The following MEGF11 variants were observed in gnomAD, a reference collection of about 807,000 sequenced individuals.
The protein encoded by MEGF11 is multiple EGF like domains 11, also known as multiple epidermal growth factor-like domains protein 11.
A neutral mutation model predicts 146.6 loss-of-function variants in MEGF11; 126 were observed. The ratio of observed to expected loss-of-function variants is 0.86; its 90% CI spans 0.74 to 1.00. The LOEUF (loss-of-function observed/expected upper bound fraction) is 1.00. MEGF11 is among the 50% of genes least tolerant of loss of function. The pLI, the probability that MEGF11 is intolerant of heterozygous loss-of-function variation, is 0.00. For synonymous variants in MEGF11, 532 were observed against 583.4 expected (o/e 0.91, Z 1.27); for missense variants, 1,509 against 1,521.2 (o/e 0.99, Z 0.13).
At chr15:66,062,062 C>T (rs567939164) in intron 5 of MEGF11, among the ~76,000 whole-genome samples, 4 of 152,368 alleles carry the variant, frequency 2.6e-5, no homozygotes, top group South Asian at 2.1e-4. Flanking sequence ...AGCTGGCTTG[C>T]AGCCTCTTTT....
chr15:66,131,292 G>A (rs1351014956), intron 1 of MEGF11, among the ~76,000 whole-genome samples: 1 of 152,250 alleles, frequency 6.6e-6, no homozygotes, highest in Non-Finnish European at 1.5e-5. Flanking sequence ...GGCCCAAACT[G>A]AGCACTCTTG....
intron 5 of MEGF11, among the ~76,000 whole-genome samples, chr15:66,040,933 C>T (rs971084002): frequency 1.3e-4 from 20 of 151,148 alleles, no homozygotes; most frequent in Non-Finnish European, 2.4e-4. Flanking sequence ...TTTTCCCCCC[C>T]GGTTTTCACA....
At chr15:66,011,935 A>G (rs568515345) in intron 5 of MEGF11, among the ~76,000 whole-genome samples, 2 of 152,278 alleles carry the variant, frequency 1.3e-5, no homozygotes, top group South Asian at 4.2e-4. Flanking sequence ...TGATGTATGC[A>G]TGTGCATAAA....
At chr15:66,026,573 T>C (rs1481473893) in intron 5 of MEGF11, among the ~76,000 whole-genome samples, 4 of 152,162 alleles carry the variant, frequency 2.6e-5, no homozygotes, top group Non-Finnish European at 5.9e-5. Flanking sequence ...AACCTCGGCC[T>C]CCCTGCTTCA....
At chr15:66,009,447 C>T (rs997363943) in intron 5 of MEGF11, among the ~76,000 whole-genome samples, 1 of 151,980 alleles carries the variant, frequency 6.6e-6, no homozygotes, top group African/African-American at 2.4e-5. Context: ...ACATCTATGA[C>T]TCAAGACTTT....
At chr15:66,246,997 A>G (rs902709453) in intron 1 of MEGF11, among the ~76,000 whole-genome samples, 4 of 152,126 alleles carry the variant, frequency 2.6e-5, no homozygotes, top group African/African-American at 9.7e-5. Context: ...AGCCACTGTG[A>G]TTGTAGAGAT....
At chr15:66,048,021 C>T (rs1375381036) in intron 5 of MEGF11, among the ~76,000 whole-genome samples, 2 of 151,702 alleles carry the variant, frequency 1.3e-5, no homozygotes, top group Admixed American at 1.3e-4. Flanking sequence ...TCTCAGCTCA[C>T]TGCAACCTCT....
chr15:66,071,277 G>T (rs2085354260), intron 5 of MEGF11, among the ~76,000 whole-genome samples: 1 of 152,146 alleles, frequency 6.6e-6, no homozygotes, highest in African/African-American at 2.4e-5. Context: ...AGCTGACATT[G>T]TCTCTGCATT....
rs144521998 is a variant in MEGF11 at position 66,017,904 on chromosome 15, G to A, written c.395-35416C>T. Among the ~76,000 whole-genome samples, 213 of 152,352 alleles carry A rather than the reference G, an allele frequency of 1.4e-3. 2 individuals are homozygous for A. Among genetic ancestry groups the A allele is most frequent in the African/African-American group, 5.0e-3 (207 of 41,576 alleles). ...GGCTGCCAGGAAGACAGAGAGATGA[G>A]AGGCAGGCCCTCAAGGACAAGAGAG... On this transcript the variant is annotated intron_variant, in intron 5 of 25. Coordinates refer to ENST00000395614, the MANE Select transcript of MEGF11 (RefSeq NM_001385028.1).
At chr15:65,911,020 C>T (rs775020726) in intron 21 of MEGF11, among the ~76,000 whole-genome samples, 2 of 152,096 alleles carry the variant, frequency 1.3e-5, no homozygotes, top group Admixed American at 6.5e-5. Flanking sequence ...GGTCCGGGCA[C>T]ATTAAGGGAG....
chr15:66,018,242 C>T (rs2140152568), intron 5 of MEGF11, among the ~76,000 whole-genome samples: 1 of 152,352 alleles, frequency 6.6e-6, no homozygotes, highest in East Asian at 1.9e-4. Context: ...GAGTCTGCCC[C>T]TCCCATCTCA....
chr15:66,148,025 G>T (rs1164189035), intron 1 of MEGF11, among the ~76,000 whole-genome samples: 1 of 152,194 alleles, frequency 6.6e-6, no homozygotes, highest in Non-Finnish European at 1.5e-5. Flanking sequence ...TGGAGGGACT[G>T]CCAGGAGGTA....
At chr15:66,249,223 T>C (rs965564118) in intron 1 of MEGF11, among the ~76,000 whole-genome samples, 3 of 152,214 alleles carry the variant, frequency 2.0e-5, no homozygotes, top group Non-Finnish European at 2.9e-5. Context: ...GGCTGTTCAG[T>C]TGTTTCCCCC....
At chr15:66,195,993 C>T (rs1014325972) in intron 1 of MEGF11, among the ~76,000 whole-genome samples, 8 of 152,038 alleles carry the variant, frequency 5.3e-5, no homozygotes, top group African/African-American at 1.7e-4. Flanking sequence ...TTAACCAGAG[C>T]GGGGTAAGTG....
chr15:66,094,614 A>T (rs2086460434), intron 4 of MEGF11, 120 bp from the exon 5 acceptor site: 1 of 786,786 alleles, frequency 1.3e-6, no homozygotes, highest in Non-Finnish European at 2.1e-6. Flanking sequence ...CTTAGAACGC[A>T]TGACTGGCTT....
At chr15:66,212,691 G>A (rs946389798) in intron 1 of MEGF11, among the ~76,000 whole-genome samples, 5 of 116,072 alleles carry the variant, frequency 4.3e-5, no homozygotes, top group African/African-American at 6.9e-5. Context: ...CCGCACACGC[G>A]GCATCCCCAT....
intron 1 of MEGF11, among the ~76,000 whole-genome samples, chr15:66,185,415 C>G (rs12591683): frequency 0.048 from 7,355 of 151,692 alleles, 252 homozygotes; most frequent in Middle Eastern, 0.075. Context: ...TCTTTTTTTT[C>G]TTTCCACAAT....
intron 1 of MEGF11, among the ~76,000 whole-genome samples, chr15:66,213,051 C>T (rs959220395): frequency 6.6e-6 from 1 of 152,090 alleles, no homozygotes; most frequent in Non-Finnish European, 1.5e-5. Context: ...AAAGGACGGG[C>T]AGAAAGGAGA....
rs138312029 is a variant in MEGF11, at chr15:66,002,454, C to T, written c.395-19966G>A. ...ACCAAGGAGAACTTGGAAATCACTA[C>T]TGTGGGGGCCTGGCCTGGGCCTGAG... is the stretch of plus-strand genomic sequence containing the variant. On this transcript the variant is annotated intron_variant, in intron 5 of 25. Transcript: ENST00000395614. Among the ~76,000 whole-genome samples the T allele has an allele frequency of 6.5e-3, 988 of 152,292 alleles. 14 individuals are homozygous for T. Among genetic ancestry groups the T allele is most frequent in the African/African-American group, 0.022 (934 of 41,552 alleles).
Sources: allele counts gnomAD v4.1 joint callset (sites outside exome capture counted in the v4.1 genomes callset), GRCh38; gene constraint gnomAD v4.1.1; transcripts MANE v1.5; gene names NCBI Gene and HGNC (gene_info 2026-07-23, HGNC 2026-07-21).